SYNPO2: variants seen among roughly 807,000 people sequenced by gnomAD.
The protein encoded by SYNPO2 is synaptopodin-2.
Under a neutral mutation model 85.0 loss-of-function variants are expected in SYNPO2, and 56 were observed. The ratio of observed to expected loss-of-function variants is 0.66; its 90% CI spans 0.53 to 0.82. The LOEUF is 0.82. Among genes scored for constraint, SYNPO2 ranks in the 40% least tolerant of loss-of-function variants. The pLI is 0.00. For synonymous variants in SYNPO2, 602 were observed against 591.1 expected, an observed-to-expected ratio of 1.02 and a Z score of -0.27; for missense variants, 1,575 against 1,534.2, an observed-to-expected ratio of 1.03 and a Z score of -0.44.
chr4:118,948,910 G>A (rs1441726542), intron 1 of SYNPO2, among the ~76,000 whole-genome samples: 12 of 152,218 alleles, frequency 7.9e-5, no homozygotes, highest in Admixed American at 7.2e-4. Flanking sequence ...ATTCACTGCA[G>A]TTAGAGTTGC....
At chr4:118,883,717 T>TC (rs988083363) in intron 1 of SYNPO2, among the ~76,000 whole-genome samples, 3 of 151,886 alleles carry the variant, frequency 2.0e-5, no homozygotes, top group Non-Finnish European at 4.4e-5. Flanking sequence ...CTTTTTCTTT[T>TC]TTTTTTCTCT....
upstream of SYNPO2, among the ~76,000 whole-genome samples, chr4:118,884,545 T>C (rs1398223854): frequency 1.3e-5 from 2 of 152,102 alleles, no homozygotes; most frequent in African/African-American, 4.8e-5. Flanking sequence ...ACTGCTGGGG[T>C]GGGAGGATCA....
At chr4:119,015,291 T>C (rs1387475577) in intron 1 of SYNPO2, among the ~76,000 whole-genome samples, 1 of 152,166 alleles carries the variant, frequency 6.6e-6, no homozygotes, top group Non-Finnish European at 1.5e-5. Context: ...AATAATAGAA[T>C]TTATAAATTT....
rs767266985 is a variant in SYNPO2 at position 119,030,833 on chromosome 4, G to T, written c.2058G>T (p.Glu686Asp). The T allele has an allele frequency of 6.2e-7, 1 of 1,614,118 alleles. No individual in the cohort carries two copies. The highest frequency in any genetic ancestry group is 1.7e-5 in the Admixed American group (1 of 60,008). The change falls in exon 4 of 5, where the codon GAG becomes GAT. Residue 686 changes from glutamate (E) to aspartate (D), a missense_variant. By Grantham distance (45) the Glu-to-Asp change is conservative. This residue lies in a region of SYNPO2 where 1,508 missense variants were observed against 1,446.8 expected (regional missense o/e 1.04). Transcript: ENST00000307142. ...CAAAAAGAACAGGAATATTGCAGGA[G>T]GCCAAAAGGAGAAGCACGACAAAAC... ...VPAKRTGILQEAKRRSTTKPM... is the reference protein window; with the variant it reads ...VPAKRTGILQDAKRRSTTKPM...
rs1332176980 is a variant in SYNPO2 at position 118,881,315 on chromosome 4, AAG to A, written c.12+30377_12+30378del. 1.6e-3 allele frequency among the ~76,000 whole-genome samples: 223 copies of A among 135,296 alleles called. 1 individual carries two copies. The highest frequency in any genetic ancestry group is 3.2e-3 in the Admixed American group (41 of 12,904). 88.8% of individuals were successfully genotyped at this position (135,296 alleles called of 152,430 possible). On this transcript the variant is annotated intron_variant, in intron 1 of 4. Transcript: ENST00000610556. The stretch of plus-strand genomic sequence containing the variant: ...AAACTCCGTCTCAAAAAAAAAAAAA[AAG>A]AAGAAGAAGAAGAGGTTAAGATATA...
chr4:119,021,303 T>G (rs1390741884), intron 1 of SYNPO2, among the ~76,000 whole-genome samples: 1 of 152,228 alleles, frequency 6.6e-6, no homozygotes, highest in Non-Finnish European at 1.5e-5. Flanking sequence ...ATATATGAAT[T>G]ATCATTTAAG....
intron 1 of SYNPO2, among the ~76,000 whole-genome samples, chr4:119,015,317 C>A (rs1578644568): frequency 6.6e-6 from 1 of 152,092 alleles, no homozygotes; most frequent in African/African-American, 2.4e-5. Flanking sequence ...AGTCTCTACT[C>A]CTGTCATTTG....
intron 4 of SYNPO2, among the ~76,000 whole-genome samples, chr4:119,055,779 T>A (rs1739188029): frequency 6.6e-6 from 1 of 152,148 alleles, no homozygotes; most frequent in Admixed American, 6.5e-5. Context: ...TTGCTAAGAT[T>A]CAACCATTGT....
At chr4:119,001,635 T>G (rs957832760) in intron 1 of SYNPO2, among the ~76,000 whole-genome samples, 1 of 152,100 alleles carries the variant, frequency 6.6e-6, no homozygotes, top group African/African-American at 2.4e-5. Context: ...TTTTTAAAAT[T>G]TAGTTCTTAT....
chr4:118,875,964 C>T (rs997616218), intron 1 of SYNPO2, among the ~76,000 whole-genome samples: 2 of 152,188 alleles, frequency 1.3e-5, no homozygotes, highest in African/African-American at 2.4e-5. Flanking sequence ...ACTCATCTTC[C>T]GTTTAGCTTG....
intron 1 of SYNPO2, among the ~76,000 whole-genome samples, chr4:118,892,940 A>G (rs1471733221): frequency 2.6e-5 from 4 of 152,168 alleles, no homozygotes; most frequent in African/African-American, 7.2e-5. Context: ...CACATTTCAG[A>G]TAATATAATT....
At chr4:119,054,808 A>G (rs1197333496) in intron 4 of SYNPO2, among the ~76,000 whole-genome samples, 1 of 152,214 alleles carries the variant, frequency 6.6e-6, no homozygotes, top group Non-Finnish European at 1.5e-5. Context: ...TAAGTTTCAG[A>G]CTATTTTGGC....
intron 1 of SYNPO2, among the ~76,000 whole-genome samples, chr4:119,016,789 T>G (rs1404525358): frequency 6.6e-6 from 1 of 152,196 alleles, no homozygotes; most frequent in African/African-American, 2.4e-5. Context: ...TCTAGCATCA[T>G]GATGGCTGCT....
At position 119,058,464 on chromosome 4, in the gene SYNPO2, CTTTTTTTTTTTT is replaced by C. The variant is rs70944828; in HGVS notation, c.*545_*556del. 0.26 allele frequency: 28,249 copies of C among 109,906 alleles called. 4,066 individuals carry two copies. The highest frequency in any genetic ancestry group is 0.48 in the Middle Eastern group (80 of 166). The allele number at this position is 109,906 out of a possible 1,614,324, so 6.8% of individuals were successfully genotyped here. On this transcript the variant is annotated 3_prime_UTR_variant, in exon 5 of 5. Coordinates refer to ENST00000307142, the MANE Select transcript of SYNPO2 (RefSeq NM_133477.3). Reference sequence around the variant, plus strand: ...CTTGGTGTTAAGTATTTCTCTGCAACTTTTTTTTTTTTTTTTTTTTTTTTTTGAGATGGAGTC... The same window carrying C: ...CTTGGTGTTAAGTATTTCTCTGCAACTTTTTTTTTTTTTTGAGATGGAGTC...
intron 1 of SYNPO2, among the ~76,000 whole-genome samples, chr4:118,878,000 A>C (rs969411615): frequency 6.6e-5 from 10 of 152,224 alleles, no homozygotes; most frequent in African/African-American, 2.4e-4. Flanking sequence ...AATATGGTAC[A>C]TATAGAAAAA....
intron 1 of SYNPO2, among the ~76,000 whole-genome samples, chr4:118,920,975 A>C (rs956931311): frequency 6.6e-6 from 1 of 151,522 alleles, no homozygotes; most frequent in Non-Finnish European, 1.5e-5. Flanking sequence ...ATAGCTCACT[A>C]TGATGTCAGA....
chr4:118,972,140 A>G (rs1464691558), intron 1 of SYNPO2, among the ~76,000 whole-genome samples: 1 of 152,134 alleles, frequency 6.6e-6, no homozygotes, highest in Non-Finnish European at 1.5e-5. Context: ...ATATTTAACT[A>G]TACTTATAAA....
At chr4:118,981,289 T>C (rs1490988790) in intron 1 of SYNPO2, among the ~76,000 whole-genome samples, 2 of 152,104 alleles carry the variant, frequency 1.3e-5, no homozygotes, top group Non-Finnish European at 2.9e-5. Flanking sequence ...CCAACCTGTC[T>C]CATAAGCCCT....
chr4:118,887,982 C>A (rs1732237478), upstream of SYNPO2, among the ~76,000 whole-genome samples: 1 of 152,118 alleles, frequency 6.6e-6, no homozygotes, highest in Non-Finnish European at 1.5e-5. Context: ...ACATTTTTGG[C>A]AGATTGTATT....
Sources: gnomAD v4.1 joint callset for allele counts (sites outside exome capture counted in the v4.1 genomes callset) on GRCh38, gnomAD v4.1.1 for gene constraint, gnomAD v4.1.1 regional missense constraint, MANE v1.5 for transcripts, NCBI Gene and HGNC (gene_info 2026-07-23, HGNC 2026-07-21) for gene names.